The following PHC2 variants were observed in gnomAD, a reference collection of about 807,000 sequenced individuals.
PHC2 encodes the protein polyhomeotic homolog 2.
PHC2 carries 29 observed loss-of-function variants against 87.4 expected under a neutral mutation model. The ratio of observed to expected loss-of-function variants is 0.33; its 90% CI spans 0.25 to 0.45. The LOEUF (loss-of-function observed/expected upper bound fraction) is 0.45. Among genes scored for constraint, PHC2 ranks in the 20% least tolerant of loss-of-function variants. PHC2 has a pLI of 1.00. For synonymous variants in PHC2, 438 were observed against 461.7 expected, an observed-to-expected ratio of 0.95 and a Z score of 0.66; for missense variants, 857 against 1,136.7, an observed-to-expected ratio of 0.75 and a Z score of 3.54.
Position 33,349,413 on chromosome 1 carries a change from G to T in PHC2, c.1558+4988C>A. ...ACGGGCGCGCAGGGTCCCCAGGCGA[G>T]CGAGGCTGGGGAGCAGGGCACCTCC... On this transcript the variant is annotated intron_variant, in intron 9 of 14. Transcript: ENST00000683057. This position sits in a 1 kb window ranked among gnomAD's most constrained non-coding sequence, Gnocchi z 4.2. 1 of 985,264 alleles carries T rather than the reference G, an allele frequency of 1.0e-6. No homozygotes were observed. The highest frequency in any genetic ancestry group is 1.2e-6 in the Non-Finnish European group (1 of 829,864). The allele number at this position is 985,264 out of a possible 1,614,324, so 61.0% of individuals were successfully genotyped here. A position where few individuals can be genotyped will look rare whatever the true frequency, so the allele number is the denominator to read the frequency against.
At chr1:33,381,744 A>C (rs1237130756) in intron 1 of PHC2, among the ~76,000 whole-genome samples, 1 of 151,436 alleles carries the variant, frequency 6.6e-6, no homozygotes, top group Non-Finnish European at 1.5e-5. Context: ...ACGAACTGAT[A>C]TCTCTGAATT....
At chr1:33,363,131 G>A (rs1028521292) in intron 7 of PHC2, 2 of 152,180 alleles carry the variant, frequency 1.3e-5, no homozygotes, top group African/African-American at 4.8e-5. Context: ...AAGAAGAAAC[G>A]TCCAGCAAGG....
At chr1:33,325,286 T>C in intron 14 of PHC2, 1 of 388,752 alleles carries the variant, frequency 2.6e-6, no homozygotes, top group Non-Finnish European at 4.7e-6. Context: ...CCATGTCCAC[T>C]AAAGTGCTGA....
chr1:33,328,222 C>T (rs898551517), intron 14 of PHC2, among the ~76,000 whole-genome samples: 1 of 152,204 alleles, frequency 6.6e-6, no homozygotes, highest in Non-Finnish European at 1.5e-5. Context: ...CTCACCACCA[C>T]TTGTGCTCCA....
At chr1:33,345,973 T>A (rs781543678) in intron 9 of PHC2, 45 of 984,902 alleles carry the variant, frequency 4.6e-5, no homozygotes, top group Admixed American at 1.2e-4. Context: ...CAACTTTTTT[T>A]AAAAACAGAA....
At chr1:33,428,861 G>A (rs954988196) in intron 1 of PHC2, among the ~76,000 whole-genome samples, 3 of 152,198 alleles carry the variant, frequency 2.0e-5, no homozygotes, top group East Asian at 3.8e-4. Context: ...CAGATCCACC[G>A]CTGTTCTGCA....
At chr1:33,370,989 T>A (rs777672801) in intron 4 of PHC2, 28 bp downstream of exon 4, 6 of 1,600,450 alleles carry the variant, frequency 3.7e-6, no homozygotes, top group Non-Finnish European at 5.1e-6. Context: ...GGCTGTGGAC[T>A]CTGCTGCTGC....
chr1:33,344,653 G>C (rs1260343143), intron 9 of PHC2, among the ~76,000 whole-genome samples: 3 of 152,154 alleles, frequency 2.0e-5, no homozygotes, highest in Non-Finnish European at 4.4e-5. Context: ...ACCCAGGCTG[G>C]AGTGCAGTGG....
At chr1:33,375,330 T>C in intron 2 of PHC2, 36 bp downstream of exon 2, 1 of 1,464,574 alleles carries the variant, frequency 6.8e-7, no homozygotes, top group African/African-American at 1.4e-5. Flanking sequence ...TGGAGATGAT[T>C]AAGGAGTATA....
Position 33,332,004 on chromosome 1 carries a change from T to C in PHC2, c.1891+271A>G, listed in dbSNP as rs915665060. 2.0e-5 allele frequency among the ~76,000 whole-genome samples: 3 copies of C among 152,214 alleles called. No individual in the cohort carries two copies. The highest frequency in any genetic ancestry group is 7.2e-5 in the African/African-American group (3 of 41,450). ...TTGCCTGGGGCCACTCCTACAGTCATGCCTAAAACTTGCCAATGATTCCCA... is the reference window on the plus strand; with the variant it reads ...TTGCCTGGGGCCACTCCTACAGTCACGCCTAAAACTTGCCAATGATTCCCA... On this transcript the variant is annotated intron_variant, in intron 11 of 14. Coordinates refer to ENST00000683057, the MANE Select transcript of PHC2 (RefSeq NM_001385109.1). This position sits in a 1 kb window ranked among gnomAD's most constrained non-coding sequence, Gnocchi z 4.2.
At chr1:33,333,216 CAAG>C in intron 10 of PHC2, 1 of 152,248 alleles carries the variant, frequency 6.6e-6, no homozygotes, top group African/African-American at 2.4e-5. Flanking sequence ...GGAAAGAAGA[CAAG>C]AAGCTATGTG....
intron 4 of PHC2, 94 bp downstream of exon 4, chr1:33,370,923 A>G: frequency 1.0e-6 from 1 of 999,882 alleles, no homozygotes; most frequent in Non-Finnish European, 1.6e-6. Flanking sequence ...CCATGATGCT[A>G]CATGGCCACG....
At chr1:33,425,144 G>A (rs1003032396) in intron 1 of PHC2, among the ~76,000 whole-genome samples, 1 of 152,174 alleles carries the variant, frequency 6.6e-6, no homozygotes, top group Non-Finnish European at 1.5e-5. Flanking sequence ...TGGACTAGGG[G>A]TGCTCACTGT....
intron 1 of PHC2, among the ~76,000 whole-genome samples, chr1:33,406,907 T>G (rs921819821): frequency 3.3e-5 from 5 of 152,182 alleles, no homozygotes; most frequent in African/African-American, 9.7e-5. Context: ...CATAAGGGTA[T>G]GTTAGTAGGT....
At position 33,388,318 on chromosome 1, in the gene PHC2, A is replaced by ATT. The variant is rs751211305; in HGVS notation, c.-54-12727_-54-12726dup. Reference sequence around the variant, plus strand: ...CTGGGAAACAGTGCTAATGACAGCAATTTTTTTTTTTTTTTTTTTTTTTAG... The same window carrying ATT: ...CTGGGAAACAGTGCTAATGACAGCAATTTTTTTTTTTTTTTTTTTTTTTTTAG... On this transcript the variant is annotated intron_variant, in intron 1 of 14. Coordinates refer to ENST00000683057, the MANE Select transcript of PHC2 (RefSeq NM_001385109.1). Among the ~76,000 whole-genome samples the ATT allele has an allele frequency of 5.8e-3, 736 of 126,066 alleles. 8 individuals are homozygous for ATT. The highest frequency in any genetic ancestry group is 0.016 in the African/African-American group (567 of 34,504). 82.7% of individuals were successfully genotyped at this position (126,066 alleles called of 152,430 possible).
chr1:33,325,033 A>G lies in PHC2; in HGVS notation c.2426-14T>C. On this transcript the variant is annotated splice_polypyrimidine_tract_variant and intron_variant, in intron 14 of 14. Transcript: ENST00000683057. ...TCTCCTGGCAGCCTGAGGGGGTACC[A>G]CCAAAGACAGTGTCAATCCAAGCCG... 6.3e-7 allele frequency: 1 copy of G among 1,596,876 alleles called. No individual in the cohort carries two copies. Among genetic ancestry groups the G allele is most frequent in the South Asian group, 1.1e-5 (1 of 89,170 alleles).
chr1:33,367,345 G>C lies in PHC2; in HGVS notation c.747C>G (p.Ser249Arg). Residue 249 changes from serine (S) to arginine (R), a missense_variant, in exon 7 of 15, where the codon AGC becomes AGG. Ser to Arg is a moderately radical substitution (Grantham distance 110). This residue lies in a region of PHC2 where 832 missense variants were observed against 1,081.8 expected (regional missense o/e 0.77). Transcript: ENST00000683057. ...GPTPTQPVLPSLALKPTPGGS... is the reference protein window; with the variant it reads ...GPTPTQPVLPRLALKPTPGGS... ...CGCCCGGCGTGGGTTTCAGGGCCAA[G>C]CTGGGCAGGACAGGCTGAGTGGGGG... 1 of 1,613,132 alleles carries C rather than the reference G, an allele frequency of 6.2e-7. No homozygotes were observed. The highest frequency in any genetic ancestry group is 8.5e-7 in the Non-Finnish European group (1 of 1,179,360).
At chr1:33,410,402 C>T (rs1002128946) in intron 1 of PHC2, among the ~76,000 whole-genome samples, 9 of 152,206 alleles carry the variant, frequency 5.9e-5, no homozygotes, top group African/African-American at 1.9e-4. Flanking sequence ...AGAACAGCCG[C>T]TGAATGGAAC....
At chr1:33,350,694 G>A (rs1646955272) in intron 9 of PHC2, among the ~76,000 whole-genome samples, 1 of 152,006 alleles carries the variant, frequency 6.6e-6, no homozygotes, top group South Asian at 2.1e-4. Context: ...ATTCATATTC[G>A]TTGCCTGCCT....
Sources: allele counts gnomAD v4.1 joint callset (sites outside exome capture counted in the v4.1 genomes callset), GRCh38; gene constraint gnomAD v4.1.1; regional missense constraint gnomAD v4.1.1; non-coding constraint Gnocchi (gnomAD v3.1); transcripts MANE v1.5; gene names NCBI Gene and HGNC (gene_info 2026-07-23, HGNC 2026-07-21).